Variants in SLC44A3 observed in about 807,000 individuals in gnomAD.
The protein encoded by SLC44A3 is choline transporter-like protein 3.
In SLC44A3, 74 loss-of-function variants were observed where a neutral mutation model predicts 75.4. The observed-to-expected ratio is 0.98, with a 90% CI of 0.81 to 1.19. The LOEUF (loss-of-function observed/expected upper bound fraction) is 1.19, where lower values mean the gene tolerates loss of function less well. SLC44A3 is among the 50% of genes most tolerant of loss of function. The probability of loss-of-function intolerance (pLI) is 0.00; values close to 1 mark genes in which losing one functional copy is unlikely to be tolerated. For synonymous variants in SLC44A3, 310 were observed against 296.9 expected (o/e 1.04, Z -0.45); for missense variants, 700 against 778.6 (o/e 0.90, Z 1.20).
chr1:94,832,664 C>G (rs1005362819), intron 5 of SLC44A3, among the ~76,000 whole-genome samples: 1 of 152,150 alleles, frequency 6.6e-6, no homozygotes. Context: ...CAGACACTTT[C>G]AATTCAATAA....
At chr1:94,888,293 T>C (rs1241450212) in intron 12 of SLC44A3, among the ~76,000 whole-genome samples, 1 of 152,144 alleles carries the variant, frequency 6.6e-6, no homozygotes, top group Non-Finnish European at 1.5e-5. Flanking sequence ...ATTTAAAAAA[T>C]TAAAATAAAA....
At chr1:94,894,077 A>G (rs1412323828) in intron 14 of SLC44A3, among the ~76,000 whole-genome samples, 3 of 152,086 alleles carry the variant, frequency 2.0e-5, no homozygotes, top group African/African-American at 7.2e-5. Flanking sequence ...CCTGGGCGAC[A>G]GAGGGTGACT....
chr1:94,864,671 G>C, intron 10 of SLC44A3, 72 bp from the exon 11 acceptor site: 1 of 1,509,232 alleles, frequency 6.6e-7, no homozygotes, highest in Non-Finnish European at 8.9e-7. Flanking sequence ...TACCACAGAT[G>C]ATTGGAACCA....
intron 12 of SLC44A3, among the ~76,000 whole-genome samples, chr1:94,885,363 A>G (rs1191920205): frequency 6.6e-6 from 1 of 152,112 alleles, no homozygotes; most frequent in Non-Finnish European, 1.5e-5. Flanking sequence ...AACATAAAGC[A>G]TCATGGAACA....
In SLC44A3 at chr1:94,838,525, G is replaced by A. The variant is rs77673217; in HGVS notation, c.670+654G>A. ...TGAATACACTCTGCCCCTTTAGACAGTGGTAAGAGCCTATTGTCTCCTCGC... is the reference window on the plus strand; with the variant it reads ...TGAATACACTCTGCCCCTTTAGACAATGGTAAGAGCCTATTGTCTCCTCGC... On this transcript the variant is annotated intron_variant, in intron 6 of 14. Coordinates refer to ENST00000271227, the MANE Select transcript of SLC44A3 (RefSeq NM_001114106.3). Among the ~76,000 whole-genome samples the A allele has an allele frequency of 4.1e-3, 618 of 152,340 alleles. 2 individuals carry two copies. The highest frequency in any genetic ancestry group is 0.014 in the African/African-American group (595 of 41,576).
chr1:94,876,108 G>A (rs963050665), intron 12 of SLC44A3, among the ~76,000 whole-genome samples: 1 of 152,198 alleles, frequency 6.6e-6, no homozygotes, highest in Non-Finnish European at 1.5e-5. Context: ...ACGCTGCCTG[G>A]GCTAGGCCGG....
intron 13 of SLC44A3, among the ~76,000 whole-genome samples, chr1:94,891,552 C>T (rs1464848909): frequency 6.6e-6 from 1 of 152,116 alleles, no homozygotes; most frequent in African/African-American, 2.4e-5. Flanking sequence ...CCCTCTTTTT[C>T]AGGTCTAAAA....
chr1:94,867,488 G>C, intron 12 of SLC44A3, 71 bp downstream of exon 12: 1 of 1,328,932 alleles, frequency 7.5e-7, no homozygotes, highest in African/African-American at 1.5e-5. Flanking sequence ...TTAGGTCAAG[G>C]TTTGGCAAAT....
intron 12 of SLC44A3, among the ~76,000 whole-genome samples, chr1:94,886,494 G>A (rs983848935): frequency 3.3e-5 from 5 of 152,052 alleles, no homozygotes; most frequent in African/African-American, 1.2e-4. Flanking sequence ...TGTGGCTCAT[G>A]TTGCTGGCTC....
At chr1:94,865,854 AG>A (rs1263898187) in intron 11 of SLC44A3, among the ~76,000 whole-genome samples, 2 of 152,240 alleles carry the variant, frequency 1.3e-5, no homozygotes, top group African/African-American at 4.8e-5. Flanking sequence ...CTTTTTAAAA[AG>A]ATATCTGAAT....
intron 13 of SLC44A3, among the ~76,000 whole-genome samples, chr1:94,892,069 C>T (rs933025183): frequency 6.6e-6 from 1 of 152,198 alleles, no homozygotes; most frequent in South Asian, 2.1e-4. Flanking sequence ...TTACATATAA[C>T]CTTCCTACTC....
chr1:94,849,426 G>A (rs1239983311), intron 9 of SLC44A3, among the ~76,000 whole-genome samples: 6 of 152,196 alleles, frequency 3.9e-5, no homozygotes, highest in East Asian at 3.9e-4. Flanking sequence ...GCCTGTGGCC[G>A]ACCCAGGTGC....
intron 7 of SLC44A3, among the ~76,000 whole-genome samples, chr1:94,840,929 G>A (rs1275874475): frequency 2.6e-5 from 4 of 152,198 alleles, no homozygotes; most frequent in African/African-American, 4.8e-5. Flanking sequence ...GCTCAAGGCA[G>A]CAGCCATTTA....
intron 12 of SLC44A3, among the ~76,000 whole-genome samples, chr1:94,883,685 TA>T (rs1347516903): frequency 2.6e-5 from 4 of 152,174 alleles, no homozygotes; most frequent in African/African-American, 7.2e-5. Flanking sequence ...AACCCTATGT[TA>T]AAAAAACAAT....
At chr1:94,877,905 T>C (rs1668467196) in intron 12 of SLC44A3, among the ~76,000 whole-genome samples, 1 of 152,052 alleles carries the variant, frequency 6.6e-6, no homozygotes, top group Admixed American at 6.6e-5. Context: ...TGGGTGTGTT[T>C]GCCATGCCCA....
At chr1:94,827,328 A>G (rs1661505461) in intron 3 of SLC44A3, 179 bp from the exon 4 acceptor site, 3 of 717,046 alleles carry the variant, frequency 4.2e-6, no homozygotes, top group South Asian at 1.9e-5. Flanking sequence ...TCCAAGCTGC[A>G]CAGCTTCATG....
At chr1:94,870,855 G>A (rs1571379815) in intron 12 of SLC44A3, among the ~76,000 whole-genome samples, 1 of 152,046 alleles carries the variant, frequency 6.6e-6, no homozygotes, top group Admixed American at 6.6e-5. Context: ...AAGTTTTTGT[G>A]TTTTTAGTAG....
chr1:94,837,636 AG>A, intron 5 of SLC44A3, 74 bp from the exon 6 acceptor site: 1 of 1,424,258 alleles, frequency 7.0e-7, no homozygotes. Flanking sequence ...TTGGTTATTG[AG>A]AATGTTAAAT....
At chr1:94,865,013 T>C (rs1480148288) in intron 11 of SLC44A3, 114 bp downstream of exon 11, 3 of 1,124,428 alleles carry the variant, frequency 2.7e-6, no homozygotes, top group Non-Finnish European at 3.8e-6. Flanking sequence ...CAGCGGGCCG[T>C]GCAGAAAGCT....
Sources: gnomAD v4.1 joint callset for allele counts (sites outside exome capture counted in the v4.1 genomes callset) on GRCh38, gnomAD v4.1.1 for gene constraint, MANE v1.5 for transcripts, NCBI Gene and HGNC (gene_info 2026-07-23, HGNC 2026-07-21) for gene names.